Variants in PPARGC1A observed in about 807,000 individuals in gnomAD.
PPARGC1A encodes the protein PPARG coactivator 1 alpha.
In PPARGC1A, 25 loss-of-function variants were observed where a neutral mutation model predicts 88.7. The ratio of observed to expected loss-of-function variants is 0.28; its 90% CI spans 0.21 to 0.39. PPARGC1A has a LOEUF of 0.39. Among genes scored for constraint, PPARGC1A ranks in the 10% least tolerant of loss-of-function variants. The probability of loss-of-function intolerance (pLI) is 1.00; values close to 1 mark genes in which losing one functional copy is unlikely to be tolerated. For synonymous variants in PPARGC1A, 363 were observed against 355.6 expected, an observed-to-expected ratio of 1.02 and a Z score of -0.24; for missense variants, 880 against 968.7, an observed-to-expected ratio of 0.91 and a Z score of 1.22.
chr4:24,046,565 G>A, the PPARGC1A span, among the ~76,000 whole-genome samples: 1 of 151,560 alleles, frequency 6.6e-6, no homozygotes, highest in Admixed American at 6.5e-5. Context: ...AGCTTAAATT[G>A]CTTCAGTGAC....
chr4:24,400,980 G>T, the PPARGC1A span, among the ~76,000 whole-genome samples: 1 of 149,728 alleles, frequency 6.7e-6, no homozygotes, highest in Non-Finnish European at 1.5e-5. Flanking sequence ...ACCTGTATCA[G>T]GTCTAAGTAG....
intron 2 of PPARGC1A, among the ~76,000 whole-genome samples, chr4:23,877,360 CAAAAAAAAAAAAAA>C (rs551447166): frequency 1.6e-5 from 1 of 62,796 alleles, no homozygotes; most frequent in African/African-American, 7.2e-5. Flanking sequence ...ACTAAAAATA[CAAAAAAAAAAAAAA>C]AAAAAAAAAA....
chr4:24,388,219 A>T, the PPARGC1A span, among the ~76,000 whole-genome samples: 4 of 152,212 alleles, frequency 2.6e-5, no homozygotes, highest in African/African-American at 4.8e-5. Flanking sequence ...GTGGCCAACA[A>T]ACATATGAAA....
the PPARGC1A span, among the ~76,000 whole-genome samples, chr4:24,248,730 T>C: frequency 6.6e-6 from 1 of 152,188 alleles, no homozygotes; most frequent in Non-Finnish European, 1.5e-5. Context: ...TCAAGGTTAA[T>C]GCATGAGGCT....
At chr4:24,021,501 C>T in the PPARGC1A span, among the ~76,000 whole-genome samples, 1 of 152,136 alleles carries the variant, frequency 6.6e-6, no homozygotes, top group Non-Finnish European at 1.5e-5. Context: ...GCTCACAGTA[C>T]ATATTATCTA....
chr4:24,158,961 G>A, the PPARGC1A span, among the ~76,000 whole-genome samples: 2 of 152,038 alleles, frequency 1.3e-5, no homozygotes, highest in Non-Finnish European at 1.5e-5. Flanking sequence ...TCTTACAACT[G>A]ATAACAGCGC....
the PPARGC1A span, among the ~76,000 whole-genome samples, chr4:24,225,568 TA>T: frequency 0.022 from 2,935 of 131,422 alleles, 96 homozygotes; most frequent in East Asian, 0.16. Context: ...CAAAACAAAA[TA>T]AAAAAAAAAA....
intron 7 of PPARGC1A, among the ~76,000 whole-genome samples, chr4:23,816,517 T>C (rs1482850572): frequency 6.6e-6 from 1 of 151,210 alleles, no homozygotes; most frequent in African/African-American, 2.4e-5. Flanking sequence ...CTACCTTCAA[T>C]TACCACTTGC....
chr4:24,326,401 A>C, the PPARGC1A span, among the ~76,000 whole-genome samples: 50 of 150,148 alleles, frequency 3.3e-4, no homozygotes, highest in African/African-American at 1.1e-3. Flanking sequence ...TGCCAAACCC[A>C]TATACTCTCC....
At chr4:23,836,494 G>A (rs975245743) in intron 2 of PPARGC1A, among the ~76,000 whole-genome samples, 2 of 152,322 alleles carry the variant, frequency 1.3e-5, no homozygotes, top group Admixed American at 6.5e-5. Context: ...TCCAGTGACA[G>A]ATGATACACA....
At chr4:24,360,683 G>A in the PPARGC1A span, among the ~76,000 whole-genome samples, 1 of 152,150 alleles carries the variant, frequency 6.6e-6, no homozygotes, top group Non-Finnish European at 1.5e-5. Flanking sequence ...CAGTTGAGGT[G>A]TTGCAGAGCA....
chr4:24,320,243 A>T, the PPARGC1A span, among the ~76,000 whole-genome samples: 14 of 152,234 alleles, frequency 9.2e-5, no homozygotes, highest in Admixed American at 6.5e-5. Context: ...AATGTTTTCT[A>T]AAATTACCAT....
chr4:24,182,089 G>A, the PPARGC1A span, among the ~76,000 whole-genome samples: 348 of 151,932 alleles, frequency 2.3e-3, 9 homozygotes, highest in Non-Finnish European at 1.3e-3. Context: ...CTATCATCCC[G>A]TCATATAGGT....
At chr4:24,154,120 G>A in the PPARGC1A span, among the ~76,000 whole-genome samples, 1 of 151,646 alleles carries the variant, frequency 6.6e-6, no homozygotes, top group African/African-American at 2.4e-5. Context: ...TCCAAGGTCA[G>A]GCCCAGTTTG....
the PPARGC1A span, among the ~76,000 whole-genome samples, chr4:24,161,989 C>T: frequency 6.6e-6 from 1 of 151,422 alleles, no homozygotes; most frequent in Middle Eastern, 3.2e-3. Context: ...CACACACACA[C>T]ACACACACAC....
chr4:23,908,708 G>A (rs545382349), upstream of PPARGC1A, among the ~76,000 whole-genome samples: 75 of 152,090 alleles, frequency 4.9e-4, no homozygotes, highest in Non-Finnish European at 9.1e-4. Context: ...ACCTTATAAA[G>A]TTGATCCTAA....
the PPARGC1A span, among the ~76,000 whole-genome samples, chr4:23,941,866 A>G: frequency 1.3e-5 from 2 of 152,220 alleles, no homozygotes; most frequent in African/African-American, 4.8e-5. Flanking sequence ...AAGAATGACT[A>G]TAATATCATT....
At chr4:23,890,114 G>C, upstream of PPARGC1A, 1 of 1,334,704 alleles carries the variant, frequency 7.5e-7, no homozygotes, top group Non-Finnish European at 9.6e-7. Context: ...TTAAAAAGTA[G>C]GCTGGGCTGT....
At chr4:24,208,576 A>G in the PPARGC1A span, among the ~76,000 whole-genome samples, 1 of 151,686 alleles carries the variant, frequency 6.6e-6, no homozygotes, top group African/African-American at 2.4e-5. Flanking sequence ...CTGAGTACCC[A>G]TTATATGTCA....
Sources: gnomAD v4.1 joint callset for allele counts (sites outside exome capture counted in the v4.1 genomes callset) on GRCh38, gnomAD v4.1.1 for gene constraint, MANE v1.5 for transcripts, NCBI Gene and HGNC (gene_info 2026-07-23, HGNC 2026-07-21) for gene names.